Variants in PPARGC1B observed in about 807,000 individuals in gnomAD.
PPARGC1B encodes PPARG coactivator 1 beta.
A neutral mutation model predicts 101.6 loss-of-function variants in PPARGC1B; 34 were observed. The ratio of observed to expected loss-of-function variants is 0.33; its 90% CI spans 0.25 to 0.45. PPARGC1B has a LOEUF of 0.45. PPARGC1B is among the 20% of genes least tolerant of loss of function. PPARGC1B has a pLI of 1.00. For synonymous variants in PPARGC1B, 548 were observed against 539.3 expected (o/e 1.02, Z -0.22); for missense variants, 1,234 against 1,317.6 (o/e 0.94, Z 0.98).
intron 1 of PPARGC1B, among the ~76,000 whole-genome samples, chr5:149,810,509 C>CCGACACAG (rs1757812903): frequency 6.6e-6 from 1 of 152,230 alleles, no homozygotes; most frequent in African/African-American, 2.4e-5. Flanking sequence ...TCATCTCACC[C>CCGACACAG]CGACACAGCA....
At chr5:149,749,810 T>C (rs1467344832) in intron 1 of PPARGC1B, among the ~76,000 whole-genome samples, 1 of 152,160 alleles carries the variant, frequency 6.6e-6, no homozygotes, top group Non-Finnish European at 1.5e-5. Flanking sequence ...CTGTGACTCA[T>C]TATCTTTCTA....
intron 1 of PPARGC1B, among the ~76,000 whole-genome samples, chr5:149,745,138 C>T (rs188787296): frequency 6.6e-5 from 10 of 152,132 alleles, no homozygotes; most frequent in Admixed American, 2.0e-4. Flanking sequence ...TAGGCTCAAG[C>T]GATCCTATTG....
At position 149,849,604 on chromosome 5, in the gene PPARGC1B, G is replaced by A. The variant is rs1759695779; in HGVS notation, c.*2046G>A. On this transcript the variant is annotated 3_prime_UTR_variant, in exon 12 of 12. Transcript: ENST00000309241. ...GGTAAGTCATTACTAATTGATTAGAGTTCAATCTATTTGACATCTTGGGCT... is the reference window on the plus strand; with the variant it reads ...GGTAAGTCATTACTAATTGATTAGAATTCAATCTATTTGACATCTTGGGCT... 1.3e-5 allele frequency: 2 copies of A among 152,198 alleles called. No individual in the cohort carries two copies. The highest frequency in any genetic ancestry group is 2.9e-5 in the Non-Finnish European group (2 of 68,030). The allele number at this position is 152,198 out of a possible 1,614,324, so 9.4% of individuals were successfully genotyped here. A position where few individuals can be genotyped will look rare whatever the true frequency, so the allele number is the denominator to read the frequency against.
chr5:149,740,488 G>A (rs1754872238), intron 1 of PPARGC1B, among the ~76,000 whole-genome samples: 1 of 152,154 alleles, frequency 6.6e-6, no homozygotes, highest in Admixed American at 6.5e-5. Flanking sequence ...CTCTCTACTT[G>A]TGGGGCAGGT....
At chr5:149,857,085 C>T (rs58197576), downstream of PPARGC1B, among the ~76,000 whole-genome samples, 2,206 of 152,154 alleles carry the variant, frequency 0.014, 45 homozygotes, top group African/African-American at 0.051. Context: ...AGCTGCTTGG[C>T]TTTGAAACTT....
chr5:149,768,404 A>G (rs1207756129), intron 1 of PPARGC1B, among the ~76,000 whole-genome samples: 1 of 150,862 alleles, frequency 6.6e-6, no homozygotes, highest in Non-Finnish European at 1.5e-5. Flanking sequence ...CCTCCTGAGT[A>G]GCTGGGACTA....
intron 1 of PPARGC1B, among the ~76,000 whole-genome samples, chr5:149,775,476 G>C (rs11738917): frequency 0.056 from 8,562 of 152,186 alleles, 353 homozygotes; most frequent in Middle Eastern, 0.11. Context: ...TGACTGAGAT[G>C]GTGCAGGAGC....
rs572444229 is a variant in PPARGC1B, at chr5:149,795,300, G to A, written c.79-25133G>A. Among the ~76,000 whole-genome samples, 59 of 152,214 alleles carry A rather than the reference G, an allele frequency of 3.9e-4. 1 individual carries two copies. In the Middle Eastern group the frequency reaches 0.014, roughly 35 times the overall value. Reference sequence around the variant, plus strand: ...AAGGGAAGTTAGCAAACCTCCCTGCGCCTCAAGTTTCCTCACCTGTAAAAT... The same window carrying A: ...AAGGGAAGTTAGCAAACCTCCCTGCACCTCAAGTTTCCTCACCTGTAAAAT... On this transcript the variant is annotated intron_variant, in intron 1 of 11. Transcript: ENST00000309241.
intron 1 of PPARGC1B, among the ~76,000 whole-genome samples, chr5:149,731,185 G>A (rs917933941): frequency 3.3e-5 from 5 of 152,280 alleles, no homozygotes; most frequent in Admixed American, 6.5e-5. Flanking sequence ...GGCTGAGCCC[G>A]GGAGCCCCAC....
chr5:149,827,758 C>T (rs1160550385), intron 3 of PPARGC1B, among the ~76,000 whole-genome samples: 2 of 152,216 alleles, frequency 1.3e-5, no homozygotes, highest in East Asian at 3.8e-4. Context: ...GGAATAGCAG[C>T]TTTCTAGGGA....
At chr5:149,842,172 A>G in intron 9 of PPARGC1B, 84 bp from the exon 10 acceptor site, 1 of 1,540,390 alleles carries the variant, frequency 6.5e-7, no homozygotes, top group Non-Finnish European at 8.9e-7. Context: ...GACTAGGACA[A>G]GGACTCCACG....
chr5:149,737,487 G>T (rs551565905), intron 1 of PPARGC1B, among the ~76,000 whole-genome samples: 29 of 152,256 alleles, frequency 1.9e-4, no homozygotes. Flanking sequence ...CTGCTCACCA[G>T]CCACTGTTTT....
chr5:149,822,470 G>A (rs1449525591), intron 2 of PPARGC1B, among the ~76,000 whole-genome samples: 1 of 152,164 alleles, frequency 6.6e-6, no homozygotes, highest in East Asian at 1.9e-4. Context: ...TGCACCCTCT[G>A]TGCATGTGAC....
intron 1 of PPARGC1B, among the ~76,000 whole-genome samples, chr5:149,805,492 TGCAGTG>T (rs1389917322): frequency 1.3e-5 from 2 of 152,200 alleles, no homozygotes; most frequent in Non-Finnish European, 2.9e-5. Context: ...CAGGCTGGAG[TGCAGTG>T]GCATGATCTC....
chr5:149,817,564 C>T (rs924179086), intron 1 of PPARGC1B: 6 of 362,374 alleles, frequency 1.7e-5, no homozygotes, highest in South Asian at 4.2e-5. Flanking sequence ...CTTCATAGCA[C>T]TAACTCAGTC....
chr5:149,819,079 T>C (rs979892912), intron 1 of PPARGC1B, among the ~76,000 whole-genome samples: 11 of 152,252 alleles, frequency 7.2e-5, no homozygotes, highest in Non-Finnish European at 1.3e-4. Context: ...AGAAATTGAT[T>C]GGCTTCTGAT....
At chr5:149,844,102 T>C (rs745563886) in intron 10 of PPARGC1B, among the ~76,000 whole-genome samples, 5 of 152,206 alleles carry the variant, frequency 3.3e-5, no homozygotes, top group Non-Finnish European at 5.9e-5. Context: ...ACTGCCAAAC[T>C]GTATGCTTAA....
intron 3 of PPARGC1B, among the ~76,000 whole-genome samples, chr5:149,830,140 A>G (rs1483624437): frequency 6.6e-6 from 1 of 150,824 alleles, no homozygotes; most frequent in African/African-American, 2.4e-5. Flanking sequence ...TGATAGGTTC[A>G]CCGAAAAGTA....
At chr5:149,844,513 C>A (rs1759477131) in intron 10 of PPARGC1B, among the ~76,000 whole-genome samples, 1 of 152,182 alleles carries the variant, frequency 6.6e-6, no homozygotes, top group Non-Finnish European at 1.5e-5. Flanking sequence ...GTGGCACATG[C>A]CTGTAATCTC....
Sources: gnomAD v4.1 joint callset for allele counts (sites outside exome capture counted in the v4.1 genomes callset) on GRCh38, gnomAD v4.1.1 for gene constraint, MANE v1.5 for transcripts, NCBI Gene and HGNC (gene_info 2026-07-23, HGNC 2026-07-21) for gene names.